Variants in CDH11 observed in about 807,000 individuals in gnomAD.
CDH11 encodes the protein cadherin-11.
Under a neutral mutation model 67.8 loss-of-function variants are expected in CDH11, and 11 were observed. The observed-to-expected ratio is 0.16, with a 90% confidence interval of 0.10 to 0.27. CDH11 has a LOEUF of 0.27. Ranked by LOEUF, CDH11 falls within the 10% of genes least tolerant of loss-of-function variation. CDH11 has a pLI of 1.00. For missense variants in CDH11, 847 were observed against 1,031.2 expected (o/e 0.82, Z 2.45); for synonymous variants, 419 against 400.0 (o/e 1.05, Z -0.57).
chr16:65,019,278 G>C (rs781033244), intron 2 of CDH11, among the ~76,000 whole-genome samples: 5 of 152,120 alleles, frequency 3.3e-5, no homozygotes. Flanking sequence ...AAACATTTGA[G>C]AATTTAAGAC....
chr16:65,076,656 C>T (rs973584506), intron 1 of CDH11, among the ~76,000 whole-genome samples: 29 of 152,210 alleles, frequency 1.9e-4, no homozygotes, highest in African/African-American at 5.8e-4. Flanking sequence ...CTAGGTATTT[C>T]GCCTAATCCT....
chr16:65,086,925 A>C (rs1489805348), intron 1 of CDH11, among the ~76,000 whole-genome samples: 1 of 152,230 alleles, frequency 6.6e-6, no homozygotes, highest in Non-Finnish European at 1.5e-5. Flanking sequence ...AGACAGTAAA[A>C]GAAAGTGTAT....
At chr16:65,050,797 A>G (rs1264333077) in intron 2 of CDH11, among the ~76,000 whole-genome samples, 1 of 108,116 alleles carries the variant, frequency 9.2e-6, no homozygotes, top group African/African-American at 3.2e-5. Flanking sequence ...TTTCCAGGTT[A>G]AAAAAAAAAA....
At chr16:65,002,930 CTT>C (rs1011429142) in intron 3 of CDH11, among the ~76,000 whole-genome samples, 6 of 140,836 alleles carry the variant, frequency 4.3e-5, no homozygotes, top group Admixed American at 7.1e-5. Flanking sequence ...TTCTTTTTTT[CTT>C]TTTTTTTTTT....
Position 64,948,024 on chromosome 16 carries a change from C to T in CDH11, c.1970G>A (p.Arg657His), listed in dbSNP as rs763749844. ...ATCATCATAAGTAATGATGTTCTCA[C>T]GGACATCTTCTTCCTCAAAGACAAT... is the stretch of plus-strand genomic sequence containing the variant. ...PLIVFEEEDVRENIITYDDEG... is the reference protein window; with the variant it reads ...PLIVFEEEDVHENIITYDDEG... The change falls in exon 13 of 13, where the codon CGT becomes CAT. Residue 657 changes from arginine to histidine, a missense_variant. Physicochemically the swap from Arg to His is conservative, Grantham distance 29 (BLOSUM62 0). Coordinates refer to ENST00000268603, the MANE Select transcript of CDH11 (RefSeq NM_001797.4). 3.7e-6 allele frequency: 6 copies of T among 1,614,004 alleles called. No homozygotes were observed. The highest frequency in any genetic ancestry group is 2.2e-5 in the East Asian group (1 of 44,890).
At chr16:65,049,079 C>T (rs1387647571) in intron 2 of CDH11, among the ~76,000 whole-genome samples, 2 of 152,124 alleles carry the variant, frequency 1.3e-5, no homozygotes, top group Non-Finnish European at 2.9e-5. Context: ...TGAAAAACTA[C>T]TTATTGGGTA....
rs145012367 is a variant in CDH11 at position 65,095,089 on chromosome 16, T to C, written c.-298+26791A>G. On this transcript the variant is annotated intron_variant, in intron 1 of 12. Transcript: ENST00000268603. The stretch of plus-strand genomic sequence containing the variant: ...TGTGTGTTACTACCTCTAATGTAGG[T>C]AGGTCATAGGCATATTCACATAGCT... Among the ~76,000 whole-genome samples, 45 of 152,254 alleles carry C rather than the reference T, an allele frequency of 3.0e-4. No individual in the cohort carries two copies. In the East Asian group the frequency reaches 7.2e-3, roughly 24 times the overall value.
At position 64,945,302 on chromosome 16, in the gene CDH11, A is replaced by AAAAAAAAAAAAAAAAAAAAAAG. The variant is rs2071176149; in HGVS notation, c.*2300_*2301insCTTTTTTTTTTTTTTTTTTTTT. On this transcript the variant is annotated 3_prime_UTR_variant, in exon 13 of 13. Transcript: ENST00000268603. ...GAGGCTTAACGAAAAAATAAAAGGT[A>AAAAAAAAAAAAAAAAAAAAAAG]AAAAAAAAAAAAAAAAAGAAAAAGA... 2 of 17,542 alleles carry AAAAAAAAAAAAAAAAAAAAAAG rather than the reference A, an allele frequency of 1.1e-4. No individual in the cohort carries two copies. Among genetic ancestry groups the AAAAAAAAAAAAAAAAAAAAAAG allele is most frequent in the African/African-American group, 6.3e-4 (1 of 1,588 alleles). The allele number at this position is 17,542 out of a possible 1,614,324, so 1.1% of individuals were successfully genotyped here. A position where few individuals can be genotyped will look rare whatever the true frequency, so the allele number is the denominator to read the frequency against.
At chr16:65,064,673 T>C (rs2142750215) in intron 1 of CDH11, among the ~76,000 whole-genome samples, 1 of 152,374 alleles carries the variant, frequency 6.6e-6, no homozygotes, top group South Asian at 2.1e-4. Context: ...CAGAGAGGAT[T>C]CAATTATGTT....
chr16:65,014,649 T>A (rs2073258599), intron 2 of CDH11, among the ~76,000 whole-genome samples: 1 of 151,794 alleles, frequency 6.6e-6, no homozygotes. Context: ...AGGTGAGAGG[T>A]AATATGGTTC....
intron 2 of CDH11, among the ~76,000 whole-genome samples, chr16:65,022,620 A>G (rs1375252475): frequency 1.3e-5 from 2 of 152,222 alleles, no homozygotes; most frequent in Non-Finnish European, 2.9e-5. Context: ...GTTACAGAAA[A>G]TGATAACTTT....
chr16:65,091,425 T>C (rs1421347960), intron 1 of CDH11, among the ~76,000 whole-genome samples: 1 of 152,246 alleles, frequency 6.6e-6, no homozygotes, highest in African/African-American at 2.4e-5. Context: ...TCATTTTCTA[T>C]GAATGCTGTT....
intron 1 of CDH11, among the ~76,000 whole-genome samples, chr16:65,062,293 A>G (rs1731714064): frequency 6.6e-6 from 1 of 152,172 alleles, no homozygotes; most frequent in Non-Finnish European, 1.5e-5. Flanking sequence ...CCAGACAACC[A>G]AGAAATCCGC....
intron 1 of CDH11, among the ~76,000 whole-genome samples, chr16:65,104,465 A>G (rs2075038162): frequency 6.6e-6 from 1 of 152,176 alleles, no homozygotes; most frequent in African/African-American, 2.4e-5. Flanking sequence ...GATAGCTAGC[A>G]TTTATTAAGT....
chr16:64,988,379 T>C, intron 6 of CDH11, 35 bp from the exon 7 acceptor site: 1 of 1,546,008 alleles, frequency 6.5e-7, no homozygotes, highest in South Asian at 1.2e-5. Context: ...TATTTTCTCT[T>C]TTATTTGGCA....
chr16:64,965,771 AACAC>A (rs55992835), intron 11 of CDH11, among the ~76,000 whole-genome samples: 4,354 of 145,986 alleles, frequency 0.03, 169 homozygotes, highest in African/African-American at 0.093. Flanking sequence ...CGGTGCATGA[AACAC>A]ACACACACAC....
At chr16:64,979,777 A>G (rs981653223) in intron 8 of CDH11, among the ~76,000 whole-genome samples, 2 of 152,222 alleles carry the variant, frequency 1.3e-5, no homozygotes, top group African/African-American at 4.8e-5. Context: ...AGGAATGTTC[A>G]GCATTATCTG....
chr16:65,014,298 T>C (rs576042818), intron 2 of CDH11, among the ~76,000 whole-genome samples: 12 of 146,236 alleles, frequency 8.2e-5, no homozygotes, highest in Non-Finnish European at 1.7e-4. Flanking sequence ...TTAAATTTTC[T>C]AGAAGCCATA....
chr16:64,960,566 T>C (rs746016286), intron 11 of CDH11, among the ~76,000 whole-genome samples: 16 of 152,014 alleles, frequency 1.1e-4, no homozygotes, highest in Non-Finnish European at 1.8e-4. Context: ...AGATGTCACC[T>C]GGGAGATGTC....
Sources: allele counts gnomAD v4.1 joint callset (sites outside exome capture counted in the v4.1 genomes callset), GRCh38; gene constraint gnomAD v4.1.1; transcripts MANE v1.5; gene names NCBI Gene and HGNC (gene_info 2026-07-23, HGNC 2026-07-21).